The following GPC5 variants were observed in gnomAD, a reference collection of about 807,000 sequenced individuals.
GPC5 encodes the protein glypican 5.
In GPC5, 47 loss-of-function variants were observed where a neutral mutation model predicts 53.9. The observed-to-expected ratio is 0.87, with a 90% CI of 0.69 to 1.11. The LOEUF is 1.11. Ranked by LOEUF, GPC5 falls within the 50% of genes most tolerant of loss-of-function variation. The pLI is 0.00. For missense variants in GPC5, 748 were observed against 713.1 expected (o/e 1.05, Z -0.56); for synonymous variants, 286 against 263.3 (o/e 1.09, Z -0.84).
intron 5 of GPC5, among the ~76,000 whole-genome samples, chr13:91,817,187 A>T (rs2038413265): frequency 1.3e-5 from 2 of 152,138 alleles, no homozygotes; most frequent in Admixed American, 6.6e-5. Context: ...CCAGCTCTTG[A>T]CATATTGTTC....
intron 6 of GPC5, among the ~76,000 whole-genome samples, chr13:92,003,978 A>C (rs969940396): frequency 2.0e-5 from 3 of 152,156 alleles, no homozygotes; most frequent in Non-Finnish European, 4.4e-5. Flanking sequence ...CTACCTCCTC[A>C]CCAGGAGTTT....
chr13:92,018,436 T>C (rs1434374833), intron 6 of GPC5, among the ~76,000 whole-genome samples: 1 of 152,066 alleles, frequency 6.6e-6, no homozygotes, highest in African/African-American at 2.4e-5. Context: ...TATTATCCCA[T>C]CTCCTAGGAC....
rs150243215 is a variant in GPC5, at chr13:92,413,993, A to G, written c.1561+269004A>G. Among the ~76,000 whole-genome samples, 371 of 152,252 alleles carry G rather than the reference A, an allele frequency of 2.4e-3. 3 individuals are homozygous for G. Among genetic ancestry groups the G allele is most frequent in the African/African-American group, 8.4e-3 (350 of 41,530 alleles). On this transcript the variant is annotated intron_variant, in intron 7 of 7. Coordinates refer to ENST00000377067, the MANE Select transcript of GPC5 (RefSeq NM_004466.6). Reference sequence around the variant, plus strand: ...TTTCTAATTTTTTCTATTTCATTCTATAACTAGGAGTTATAAGTTAAATCA... The same window carrying G: ...TTTCTAATTTTTTCTATTTCATTCTGTAACTAGGAGTTATAAGTTAAATCA...
At chr13:91,763,479 A>T (rs2037458504) in intron 5 of GPC5, among the ~76,000 whole-genome samples, 1 of 152,208 alleles carries the variant, frequency 6.6e-6, no homozygotes, top group South Asian at 2.1e-4. Flanking sequence ...CAAAAGTCTG[A>T]GTTTGCAGTC....
chr13:92,770,432 AAAAG>A (rs1217235762), intron 7 of GPC5, among the ~76,000 whole-genome samples: 3 of 151,512 alleles, frequency 2.0e-5, no homozygotes, highest in Admixed American at 2.0e-4. Context: ...AAAAAAAAAA[AAAAG>A]CACCAAAAAC....
intron 7 of GPC5, among the ~76,000 whole-genome samples, chr13:92,540,219 C>T (rs924678856): frequency 1.3e-5 from 2 of 151,880 alleles, no homozygotes; most frequent in Non-Finnish European, 2.9e-5. Flanking sequence ...AATGTGGCAA[C>T]GTATATGAAG....
chr13:91,602,750 T>A (rs1024981875), intron 2 of GPC5, among the ~76,000 whole-genome samples: 1 of 152,252 alleles, frequency 6.6e-6, no homozygotes, highest in South Asian at 2.1e-4. Context: ...AATTGGTGTT[T>A]CTTAATTGAT....
At chr13:91,424,058 G>C (rs1878831355) in intron 1 of GPC5, among the ~76,000 whole-genome samples, 2 of 152,150 alleles carry the variant, frequency 1.3e-5, no homozygotes, top group South Asian at 4.1e-4. Flanking sequence ...GAAGATTCCT[G>C]ATCTCAAGTT....
chr13:91,501,251 T>G (rs1309006309), intron 2 of GPC5, among the ~76,000 whole-genome samples: 1 of 151,720 alleles, frequency 6.6e-6, no homozygotes, highest in Non-Finnish European at 1.5e-5. Flanking sequence ...TTTTTTTTTT[T>G]TTTTTTTTTG....
intron 7 of GPC5, among the ~76,000 whole-genome samples, chr13:92,692,787 A>G (rs1322763727): frequency 1.7e-5 from 1 of 59,648 alleles, no homozygotes; most frequent in Non-Finnish European, 3.1e-5. Context: ...ACATTTTACC[A>G]AAAGCCACTC....
chr13:92,683,426 C>A (rs1270846406), intron 7 of GPC5, among the ~76,000 whole-genome samples: 1 of 152,084 alleles, frequency 6.6e-6, no homozygotes, highest in African/African-American at 2.4e-5. Flanking sequence ...TTCTAGATCT[C>A]ATTCTCAGTT....
intron 2 of GPC5, among the ~76,000 whole-genome samples, chr13:91,628,666 C>G (rs1004943595): frequency 2.0e-5 from 3 of 152,172 alleles, no homozygotes; most frequent in Admixed American, 6.6e-5. Flanking sequence ...TTTATGATAA[C>G]TTTTAAGCAG....
chr13:91,602,674 C>T (rs568902084), intron 2 of GPC5, among the ~76,000 whole-genome samples: 3 of 152,222 alleles, frequency 2.0e-5, no homozygotes, highest in Admixed American at 1.3e-4. Flanking sequence ...TATTGTTTTT[C>T]GGTTCCTGAA....
intron 2 of GPC5, among the ~76,000 whole-genome samples, chr13:91,546,034 T>C (rs892489350): frequency 1.3e-5 from 2 of 152,262 alleles, no homozygotes; most frequent in African/African-American, 4.8e-5. Flanking sequence ...CACAGATTTA[T>C]ATAATGTAAG....
rs979439477 is a variant in GPC5 at position 92,445,595 on chromosome 13, T to C, written c.1561+300606T>C. On this transcript the variant is annotated intron_variant, in intron 7 of 7. Transcript: ENST00000377067. ...GTTTTTTGTTCTTGTGATAGTTTAC[T>C]GAGAATGATGATTTCCAATTTCATC... Among the ~76,000 whole-genome samples the C allele has an allele frequency of 7.3e-5, 11 of 151,206 alleles. No homozygotes were observed. The East Asian group carries it at 7.8e-4, about 11-fold the overall frequency.
At chr13:92,103,094 T>C (rs2041479975) in intron 6 of GPC5, among the ~76,000 whole-genome samples, 1 of 152,082 alleles carries the variant, frequency 6.6e-6, no homozygotes, top group African/African-American at 2.4e-5. Flanking sequence ...ACTCCTGGGC[T>C]CAAGTGATCC....
chr13:92,633,303 A>G (rs1885315722), intron 7 of GPC5, among the ~76,000 whole-genome samples: 1 of 152,152 alleles, frequency 6.6e-6, no homozygotes, highest in South Asian at 2.1e-4. Context: ...ACACACCCAA[A>G]CGGTATAAAT....
chr13:92,648,002 T>C (rs933598140), intron 7 of GPC5, among the ~76,000 whole-genome samples: 1 of 152,004 alleles, frequency 6.6e-6, no homozygotes, highest in African/African-American at 2.4e-5. Context: ...TTAGAGTACA[T>C]ATTGATTGCA....
chr13:92,165,136 T>C (rs2042017991), intron 7 of GPC5, among the ~76,000 whole-genome samples: 1 of 152,214 alleles, frequency 6.6e-6, no homozygotes, highest in African/African-American at 2.4e-5. Context: ...CCCCATTGTC[T>C]TGGCAGTTAA....
Sources: allele counts gnomAD v4.1 joint callset (sites outside exome capture counted in the v4.1 genomes callset), GRCh38; gene constraint gnomAD v4.1.1; transcripts MANE v1.5; gene names NCBI Gene and HGNC (gene_info 2026-07-23, HGNC 2026-07-21).